The following CDIN1 variants were observed in gnomAD, a reference collection of about 807,000 sequenced individuals.
The protein encoded by CDIN1 is CDAN1-interacting nuclease 1.
A neutral mutation model predicts 45.3 loss-of-function variants in CDIN1; 33 were observed. That is an observed-to-expected ratio of 0.73 (90% CI 0.55 to 0.97). The LOEUF is 0.97. CDIN1 is among the 50% of genes least tolerant of loss of function. The probability of loss-of-function intolerance (pLI) is 0.00; values close to 1 mark genes in which losing one functional copy is unlikely to be tolerated. For synonymous variants in CDIN1, 118 were observed against 124.4 expected (o/e 0.95, Z 0.34); for missense variants, 303 against 339.4 (o/e 0.89, Z 0.84).
rs151005737 is a variant in CDIN1, at chr15:36,681,414, G to T, written c.347-10271G>T. On this transcript the variant is annotated intron_variant, in intron 5 of 10. Transcript: ENST00000566621. ...AAGAGAGGGGAAATACAAACACTTT[G>T]TGAGAGTAGGAGACATAGAGGATAG... Among the ~76,000 whole-genome samples, 1,051 of 152,202 alleles carry T rather than the reference G, an allele frequency of 6.9e-3. 16 individuals are homozygous for T. Among genetic ancestry groups the T allele is most frequent in the African/African-American group, 0.024 (985 of 41,546 alleles).
intron 1 of CDIN1, among the ~76,000 whole-genome samples, chr15:36,609,000 GATA>G (rs1162785432): frequency 1.3e-5 from 2 of 151,948 alleles, no homozygotes; most frequent in African/African-American, 4.8e-5. Flanking sequence ...TAGATAGATA[GATA>G]GATAGATAGA....
At chr15:36,795,149 G>A (rs980350352) in intron 10 of CDIN1, among the ~76,000 whole-genome samples, 60 of 152,236 alleles carry the variant, frequency 3.9e-4, no homozygotes, top group African/African-American at 1.4e-3. Flanking sequence ...AGTTTAAGAG[G>A]GTGGGTGGAT....
chr15:36,800,396 C>T (rs1004980782), intron 10 of CDIN1, among the ~76,000 whole-genome samples: 2 of 152,100 alleles, frequency 1.3e-5, no homozygotes, highest in Non-Finnish European at 2.9e-5. Context: ...ATTAAATTGA[C>T]CATAGTGCCA....
At chr15:36,656,748 C>T (rs2040799816) in intron 4 of CDIN1, among the ~76,000 whole-genome samples, 1 of 152,090 alleles carries the variant, frequency 6.6e-6, no homozygotes, top group African/African-American at 2.4e-5. Flanking sequence ...TCGTGGAAAG[C>T]ATTTCTTTCT....
At chr15:36,754,056 A>T (rs995198745) in intron 10 of CDIN1, among the ~76,000 whole-genome samples, 3 of 152,286 alleles carry the variant, frequency 2.0e-5, no homozygotes, top group African/African-American at 7.2e-5. Flanking sequence ...CAGCTAGAAG[A>T]TAAAACTTGG....
At chr15:36,685,732 A>G (rs960761837) in intron 5 of CDIN1, among the ~76,000 whole-genome samples, 1 of 152,234 alleles carries the variant, frequency 6.6e-6, no homozygotes, top group East Asian at 1.9e-4. Flanking sequence ...AAACAACCCC[A>G]TCAAAAAGTG....
At chr15:36,746,055 G>A (rs371088177) in intron 10 of CDIN1, among the ~76,000 whole-genome samples, 8 of 152,242 alleles carry the variant, frequency 5.3e-5, no homozygotes, top group Non-Finnish European at 8.8e-5. Flanking sequence ...CAATTAGAGC[G>A]AAAGGAACAG....
intron 10 of CDIN1, among the ~76,000 whole-genome samples, chr15:36,713,309 C>T (rs904417146): frequency 2.0e-5 from 3 of 152,150 alleles, no homozygotes; most frequent in South Asian, 4.1e-4. Flanking sequence ...AAGTTTCAGC[C>T]CCTCCATCTG....
intron 10 of CDIN1, among the ~76,000 whole-genome samples, chr15:36,794,918 TG>T (rs1375014235): frequency 6.6e-6 from 1 of 152,174 alleles, no homozygotes; most frequent in Non-Finnish European, 1.5e-5. Flanking sequence ...GAAGAAAATG[TG>T]TATGTATACA....
At chr15:36,792,966 A>C (rs1227912345) in intron 10 of CDIN1, among the ~76,000 whole-genome samples, 1 of 151,992 alleles carries the variant, frequency 6.6e-6, no homozygotes, top group Non-Finnish European at 1.5e-5. Context: ...ACTTTCCTGC[A>C]CCGTCCTGAA....
chr15:36,692,135 A>G lies in CDIN1; in HGVS notation c.436A>G (p.Asn146Asp). 1 of 1,613,736 alleles carries G rather than the reference A, an allele frequency of 6.2e-7. No homozygotes were observed. Among genetic ancestry groups the G allele is most frequent in the East Asian group, 2.2e-5 (1 of 44,860 alleles). The change falls in exon 7 of 11, where the codon AAC (asparagine) becomes GAC (aspartate). Residue 146 changes from asparagine (N) to aspartate (D), a missense_variant. Asn to Asp is a conservative substitution (Grantham distance 23). Coordinates refer to ENST00000566621, the MANE Select transcript of CDIN1 (RefSeq NM_001321759.2). Reference sequence around the variant, plus strand: ...TCTTATTTGTCTGCAGTGCATTGTGAACGACTGCTGTTACGGACCACTAGT... The same window carrying G: ...TCTTATTTGTCTGCAGTGCATTGTGGACGACTGCTGTTACGGACCACTAGT... ...LANQVYQCIV[N>D]DCCYGPLVDC...
At chr15:36,760,043 C>T (rs1284514167) in intron 10 of CDIN1, among the ~76,000 whole-genome samples, 3 of 152,154 alleles carry the variant, frequency 2.0e-5, no homozygotes, top group African/African-American at 7.2e-5. Context: ...CTGTAGAGTA[C>T]TTATGTGTTT....
intron 10 of CDIN1, among the ~76,000 whole-genome samples, chr15:36,714,286 C>G (rs1206635136): frequency 6.6e-6 from 1 of 152,052 alleles, no homozygotes; most frequent in African/African-American, 2.4e-5. Flanking sequence ...GACAAATGCA[C>G]TTTATAAAGG....
At chr15:36,607,456 C>A (rs1157780423) in intron 1 of CDIN1, among the ~76,000 whole-genome samples, 2 of 152,102 alleles carry the variant, frequency 1.3e-5, no homozygotes, top group East Asian at 3.9e-4. Flanking sequence ...TTTTCTGATA[C>A]AATATGTAAA....
intron 1 of CDIN1, among the ~76,000 whole-genome samples, chr15:36,608,953 G>C (rs980382774): frequency 4.0e-5 from 6 of 149,688 alleles, no homozygotes; most frequent in South Asian, 2.1e-4. Context: ...ACAAATCTCT[G>C]TGTGTGTGTA....
chr15:36,619,355 G>C, intron 1 of CDIN1: 1 of 441,072 alleles, frequency 2.3e-6, no homozygotes, highest in East Asian at 3.7e-5. Flanking sequence ...AGGGGAGAGG[G>C]TAACCAGGAA....
intron 1 of CDIN1, among the ~76,000 whole-genome samples, chr15:36,640,236 T>C (rs2040052622): frequency 6.6e-6 from 1 of 152,138 alleles, no homozygotes; most frequent in African/African-American, 2.4e-5. Context: ...GTGGTATGTG[T>C]GTGTGTGGCA....
At chr15:36,740,934 T>A (rs1177759977) in intron 10 of CDIN1, among the ~76,000 whole-genome samples, 2 of 152,156 alleles carry the variant, frequency 1.3e-5, no homozygotes, top group Non-Finnish European at 2.9e-5. Context: ...TTTCAATTTT[T>A]TTTTTATTTT....
chr15:36,645,705 A>G (rs1002896374), intron 3 of CDIN1, among the ~76,000 whole-genome samples: 1 of 152,158 alleles, frequency 6.6e-6, no homozygotes, highest in Non-Finnish European at 1.5e-5. Flanking sequence ...TTGAAAAAAG[A>G]AGATTGAATT....
Sources: gnomAD v4.1 joint callset for allele counts (sites outside exome capture counted in the v4.1 genomes callset) on GRCh38, gnomAD v4.1.1 for gene constraint, MANE v1.5 for transcripts, NCBI Gene and HGNC (gene_info 2026-07-23, HGNC 2026-07-21) for gene names.